ADSS1: variants seen among roughly 807,000 people sequenced by gnomAD.
The protein encoded by ADSS1 is adenylosuccinate synthetase isozyme 1.
Under a neutral mutation model 59.1 loss-of-function variants are expected in ADSS1, and 57 were observed. The ratio of observed to expected loss-of-function variants is 0.97; its 90% CI spans 0.78 to 1.20. The LOEUF (loss-of-function observed/expected upper bound fraction) is 1.20, where lower values mean the gene tolerates loss of function less well. ADSS1 is among the 50% of genes most tolerant of loss of function. ADSS1 has a pLI of 0.00. For synonymous variants in ADSS1, 247 were observed against 249.4 expected (o/e 0.99, Z 0.09); for missense variants, 603 against 610.3 (o/e 0.99, Z 0.13).
At chr14:104,738,609 G>A (rs1388974512) in intron 3 of ADSS1, among the ~76,000 whole-genome samples, 171 bp downstream of exon 3, 1 of 152,238 alleles carries the variant, frequency 6.6e-6, no homozygotes, top group African/African-American at 2.4e-5. Context: ...GAAAGCGAGT[G>A]AGCTGGGCAA....
chr14:104,744,633 C>T lies in ADSS1; in HGVS notation c.1074-179C>T, dbSNP rs572362594. The stretch of plus-strand genomic sequence containing the variant: ...GCTCAGGCCGTAATGCTAGCTTGCC[C>T]GCCACTCATCTGCTCTGCAGCCCAA... On this transcript the variant is annotated intron_variant, in intron 10 of 12. Transcript: ENST00000330877. 1.8e-4 allele frequency: 105 copies of T among 593,638 alleles called. 1 individual carries two copies. The South Asian group carries it at 1.9e-3, about 11-fold the overall frequency. The allele number at this position is 593,638 out of a possible 1,614,324, so 36.8% of individuals were successfully genotyped here. A position where few individuals can be genotyped will look rare whatever the true frequency, so the allele number is the denominator to read the frequency against.
chr14:104,746,510 T>C lies in ADSS1; in HGVS notation c.1321+125T>C, dbSNP rs866052729. ...GTGGTCACCAAGCGAATATATTGCA[T>C]GGCAGGAGGGGAGGACGACTCGGAG... On this transcript the variant is annotated intron_variant, in intron 12 of 12. Coordinates refer to ENST00000330877, the MANE Select transcript of ADSS1 (RefSeq NM_152328.5). 36 of 1,332,552 alleles carry C rather than the reference T, an allele frequency of 2.7e-5. No individual in the cohort carries two copies. The Middle Eastern group carries it at 8.1e-4, about 30-fold the overall frequency. 82.5% of individuals were successfully genotyped at this position (1,332,552 alleles called of 1,614,324 possible).
In ADSS1 at chr14:104,744,973, C is replaced by T; in HGVS notation, c.1171+64C>T. 7.6e-6 allele frequency: 11 copies of T among 1,448,468 alleles called. No homozygotes were observed. The South Asian group carries it at 1.1e-4, about 14-fold the overall frequency. The allele number at this position is 1,448,468 out of a possible 1,614,324, so 89.7% of individuals were successfully genotyped here. The stretch of plus-strand genomic sequence containing the variant: ...TTTCATGGTATTGGAATAGATAGGA[C>T]CTGTGACTTCTCAGAGAGGGGTGAG... On this transcript the variant is annotated intron_variant, in intron 11 of 12. Coordinates refer to ENST00000330877, the MANE Select transcript of ADSS1 (RefSeq NM_152328.5).
chr14:104,739,310 T>C lies in ADSS1; in HGVS notation c.359-18T>C. The stretch of plus-strand genomic sequence containing the variant: ...GCACCTGTGAACACTGACCCACCTG[T>C]GTGCCGTGTCCCCGCAGGCCTGAAG... On this transcript the variant is annotated intron_variant, in intron 3 of 12. Transcript: ENST00000330877. 1 of 1,605,328 alleles carries C rather than the reference T, an allele frequency of 6.2e-7. No homozygotes were observed. Among genetic ancestry groups the C allele is most frequent in the South Asian group, 1.1e-5 (1 of 89,050 alleles).
intron 8 of ADSS1, 48 bp downstream of exon 8, chr14:104,741,291 G>A (rs1234515912): frequency 2.0e-6 from 3 of 1,517,034 alleles, no homozygotes; most frequent in Non-Finnish European, 8.8e-7. Context: ...TGCCTGCCAG[G>A]GAAGACCCAG....
intron 3 of ADSS1, 93 bp from the exon 4 acceptor site, chr14:104,739,235 G>A: frequency 7.3e-7 from 1 of 1,362,612 alleles, no homozygotes; most frequent in Non-Finnish European, 1.0e-6. Flanking sequence ...TACCTGGATG[G>A]GAGCCGGGCG....
At chr14:104,727,601 G>T (rs1419267551) in intron 1 of ADSS1, among the ~76,000 whole-genome samples, 1 of 152,090 alleles carries the variant, frequency 6.6e-6, no homozygotes, top group Non-Finnish European at 1.5e-5. Flanking sequence ...TTCCGAGGGG[G>T]TCCCCAGGTA....
chr14:104,725,736 A>G (rs942870229), intron 1 of ADSS1, among the ~76,000 whole-genome samples: 56 of 152,152 alleles, frequency 3.7e-4, no homozygotes, highest in Non-Finnish European at 2.8e-4. Flanking sequence ...GGGCATGTCC[A>G]GCGCTCTACT....
chr14:104,725,213 C>T (rs1405503264), intron 1 of ADSS1, among the ~76,000 whole-genome samples: 1 of 152,162 alleles, frequency 6.6e-6, no homozygotes, highest in Non-Finnish European at 1.5e-5. Flanking sequence ...CTCAGCGCCC[C>T]CATCTGTTCT....
At position 104,741,174 on chromosome 14, in the gene ADSS1, G is replaced by A. The variant is rs200289748; in HGVS notation, c.724G>A (p.Ala242Thr). ...AGATGGTGTTTACTTTATGTATGAG[G>A]CACTCCACGGCCCCCCCAAGAAGAT... ...VRDGVYFMYE[A>T]LHGPPKKILV... The change falls in exon 8 of 13, where the codon GCA becomes ACA. Residue 242 changes from alanine to threonine, a missense_variant. Transcript: ENST00000330877. 5.6e-6 allele frequency: 9 copies of A among 1,612,106 alleles called. No individual in the cohort carries two copies. Among genetic ancestry groups the A allele is most frequent in the African/African-American group, 2.7e-5 (2 of 74,852 alleles).
At chr14:104,729,562 T>G (rs865786938) in intron 1 of ADSS1, among the ~76,000 whole-genome samples, 957 of 33,934 alleles carry the variant, frequency 0.028, 5 homozygotes, top group South Asian at 0.065. Flanking sequence ...GTCGGCGTGG[T>G]GGGGAGGAGC....
Position 104,735,089 on chromosome 14 carries a change from G to A in ADSS1, c.262G>A (p.Gly88Ser), listed in dbSNP as rs755041450. Reference protein sequence around the residue: ...KEYDFHLLPSGIINTKAVSFI... With the variant: ...KEYDFHLLPSSIINTKAVSFI... ...GTACGACTTCCACCTGCTGCCCAGC[G>A]GCATCATCAACACCAAGGCCGTGTC... is the stretch of plus-strand genomic sequence containing the variant. The change falls in exon 2 of 13, where the codon GGC (glycine) becomes AGC (serine). Residue 88 changes from glycine (G) to serine (S), a missense_variant. Physicochemically the swap from Gly to Ser is moderately conservative, Grantham distance 56. Coordinates refer to ENST00000330877, the MANE Select transcript of ADSS1 (RefSeq NM_152328.5). The A allele has an allele frequency of 8.1e-6, 13 of 1,612,954 alleles. No homozygotes were observed. Among genetic ancestry groups the A allele is most frequent in the South Asian group, 2.2e-5 (2 of 90,956 alleles).
At position 104,740,823 on chromosome 14, in the gene ADSS1, A is replaced by G. The variant is rs188251428; in HGVS notation, c.585-16A>G. 8.0e-4 allele frequency: 1,293 copies of G among 1,613,662 alleles called. No homozygotes were observed. The highest frequency in any genetic ancestry group is 1.0e-3 in the Non-Finnish European group (1,234 of 1,179,960). ...TGGACCATGACAGGGGGTGATGATG[A>G]CTGTCCCTTGTGCAGATTCAAGAAC... is the stretch of plus-strand genomic sequence containing the variant. On this transcript the variant is annotated splice_polypyrimidine_tract_variant and intron_variant, in intron 6 of 12. Transcript: ENST00000330877. The surrounding 1 kb of genome is among the most constrained non-coding windows in gnomAD (Gnocchi z 4.8).
intron 1 of ADSS1, chr14:104,730,068 A>C: frequency 6.4e-7 from 1 of 1,563,146 alleles, no homozygotes; most frequent in Non-Finnish European, 8.7e-7. Flanking sequence ...CCCACCCCTC[A>C]CCTTCCCAGT....
rs368092518 is a variant in ADSS1 at position 104,740,618 on chromosome 14, A to G, written c.494A>G (p.Lys165Arg). Residue 165 changes from lysine to arginine, a missense_variant, in exon 6 of 13, where the codon AAG (lysine) becomes AGG (arginine). By Grantham distance (26) the Lys-to-Arg change is conservative (BLOSUM62 2). Transcript: ENST00000330877. The surrounding 1 kb of genome is among the most constrained non-coding windows in gnomAD (Gnocchi z 4.8). ...TCTTTCAGTATAGGCACCACCAAGA[A>G]GGGAATCGGACCAACCTACTCTTCC... ...QEGKNIGTTK[K>R]GIGPTYSSKA... is the part of the protein sequence containing the mutation. 9.9e-6 allele frequency: 16 copies of G among 1,613,522 alleles called. No homozygotes were observed. In the African/African-American group the frequency reaches 1.1e-4, roughly 11 times the overall value.
intron 2 of ADSS1, among the ~76,000 whole-genome samples, chr14:104,736,773 T>C (rs1891138186): frequency 6.6e-6 from 1 of 151,456 alleles, no homozygotes; most frequent in Non-Finnish European, 1.5e-5. Flanking sequence ...TGGAATGCAA[T>C]GGCACAGTCC....
chr14:104,737,510 G>C (rs1031966320), intron 2 of ADSS1: 1 of 152,200 alleles, frequency 6.6e-6, no homozygotes, highest in African/African-American at 2.4e-5. Flanking sequence ...GACTGCTGCC[G>C]AGTTTCGGCG....
rs1276059968 is a variant in ADSS1 at position 104,745,017 on chromosome 14, A to T, written c.1171+108A>T. On this transcript the variant is annotated intron_variant, in intron 11 of 12. Transcript: ENST00000330877. ...GGGTGAGTTCCCACGTTCACAGGAC[A>T]CAGGGCAAGCAGCTTGTCTCCAGTG... is the stretch of plus-strand genomic sequence containing the variant. 8 of 946,964 alleles carry T rather than the reference A, an allele frequency of 8.4e-6. No homozygotes were observed. The Admixed American group carries it at 1.2e-4, about 15-fold the overall frequency. The allele number at this position is 946,964 out of a possible 1,614,324, so 58.7% of individuals were successfully genotyped here.
chr14:104,730,150 A>C, intron 1 of ADSS1: 1 of 1,544,038 alleles, frequency 6.5e-7, no homozygotes, highest in Non-Finnish European at 8.7e-7. Context: ...CAAATGCAGG[A>C]GGCCACACCT....
Sources: gnomAD v4.1 joint callset for allele counts (sites outside exome capture counted in the v4.1 genomes callset) on GRCh38, gnomAD v4.1.1 for gene constraint, Gnocchi (gnomAD v3.1) non-coding constraint, MANE v1.5 for transcripts, NCBI Gene and HGNC (gene_info 2026-07-23, HGNC 2026-07-21) for gene names.